The following MED16 variants were observed in gnomAD, a reference collection of about 807,000 sequenced individuals.
The protein encoded by MED16 is mediator complex subunit 16.
MED16 carries 81 observed loss-of-function variants against 84.4 expected under a neutral mutation model. The observed-to-expected ratio is 0.96, with a 90% CI of 0.80 to 1.15. The LOEUF is 1.15. Among genes scored for constraint, MED16 ranks in the 50% most tolerant of loss-of-function variants. The pLI is 0.00. For missense variants in MED16, 1,585 were observed against 1,245.9 expected (o/e 1.27, Z -4.10); for synonymous variants, 897 against 552.2 (o/e 1.62, Z -8.76).
At chr19:885,103 T>A in intron 5 of MED16, 95 bp from the exon 6 acceptor site, 1 of 906,906 alleles carries the variant, frequency 1.1e-6, no homozygotes, top group Non-Finnish European at 1.7e-6. Flanking sequence ...GGCCACGCAC[T>A]GCTGGGCCTG....
intron 8 of MED16, among the ~76,000 whole-genome samples, chr19:878,681 G>A (rs1435962156): frequency 1.1e-4 from 8 of 72,618 alleles, no homozygotes; most frequent in African/African-American, 1.1e-4. Context: ...ATGCCCAACA[G>A]CCCCAACCCC....
chr19:876,327 G>A (rs190583475), intron 9 of MED16, among the ~76,000 whole-genome samples: 105 of 152,164 alleles, frequency 6.9e-4, no homozygotes, highest in African/African-American at 2.3e-3. Context: ...GTGGGCCTCC[G>A]TATCCGCTCC....
At chr19:870,348 G>A (rs964970825) in intron 13 of MED16, among the ~76,000 whole-genome samples, 3 of 152,124 alleles carry the variant, frequency 2.0e-5, no homozygotes, top group Non-Finnish European at 4.4e-5. Flanking sequence ...ATCACCTGAG[G>A]TCAGGAGTTC....
At chr19:869,827 G>C (rs764827437) in intron 13 of MED16, among the ~76,000 whole-genome samples, 1 of 152,206 alleles carries the variant, frequency 6.6e-6, no homozygotes, top group Non-Finnish European at 1.5e-5. Context: ...CTTGTCAAAC[G>C]TGTGTCTGAA....
At position 891,903 on chromosome 19, in the gene MED16, C is replaced by T. The variant is rs1200189221; in HGVS notation, c.-18-754G>A. Among the ~76,000 whole-genome samples the T allele has an allele frequency of 1.5e-4, 20 of 133,858 alleles. 1 individual carries two copies. Among genetic ancestry groups the T allele is most frequent in the African/African-American group, 5.6e-4 (19 of 34,080 alleles). 87.8% of individuals were successfully genotyped at this position (133,858 alleles called of 152,430 possible). A position where few individuals can be genotyped will look rare whatever the true frequency, so the allele number is the denominator to read the frequency against. ...CGGGGGCTGAGTGTGACGGGGAACA[C>T]CTGTGGCCGAGGCGGGGCTGAGTGT... On this transcript the variant is annotated intron_variant, in intron 1 of 15. Coordinates refer to ENST00000325464, the MANE Select transcript of MED16 (RefSeq NM_005481.3).
At chr19:892,221 C>A in intron 1 of MED16, 1 of 165,740 alleles carries the variant, frequency 6.0e-6, no homozygotes. Flanking sequence ...CCCCGGCTCC[C>A]TACTTCTTCA....
At chr19:881,028 G>C (rs570334995) in intron 7 of MED16, among the ~76,000 whole-genome samples, 2 of 152,290 alleles carry the variant, frequency 1.3e-5, no homozygotes, top group South Asian at 2.1e-4. Flanking sequence ...AGGCTCTGAG[G>C]AACAGCCCTG....
Position 868,115 on chromosome 19 carries a change from C to T in MED16, c.2620G>A (p.Glu874Lys), listed in dbSNP as rs13090. The T allele has an allele frequency of 0.27, 438,381 of 1,609,072 alleles. 63,212 individuals carry two copies. The highest frequency in any genetic ancestry group is 0.41 in the African/African-American group (30,371 of 74,776). ...TPRSLDHLHP[E>K]DRP ...ACCCCCGGCCGTCACGGACGGTCCT[C>T]TGGATGCAGATGGTCCAGGGATCTG... The change falls in exon 16 of 16, where the codon GAG (glutamate) becomes AAG (lysine). Residue 874 changes from glutamate (E) to lysine (K), a missense_variant. Coordinates refer to ENST00000325464, the MANE Select transcript of MED16 (RefSeq NM_005481.3).
At position 891,012 on chromosome 19, in the gene MED16, G is replaced by C; in HGVS notation, c.120C>G (p.Ser40=). The part of the protein sequence containing the change: ...CPSVPLACAW[S]CRNLIAFTMD... ...TGGTGAAGGCGATGAGATTTCGGCA[G>C]GACCAGGCGCAGGCCAGGGGCACCG... The change falls in exon 2 of 16, where the codon TCC becomes TCG. Residue 40 remains serine (S), a synonymous_variant. Transcript: ENST00000325464. 6.2e-7 allele frequency: 1 copy of C among 1,614,114 alleles called. No homozygotes were observed. Among genetic ancestry groups the C allele is most frequent in the Non-Finnish European group, 8.5e-7 (1 of 1,180,026 alleles).
chr19:879,892 T>G lies in MED16; in HGVS notation c.1353+45A>C, dbSNP rs2036377050. ...GCCCAGCAGCTCGCCTTCCCCTGGTTGTCAATGCCCACCAGCCCCGGCCCC... is the reference window on the plus strand; with the variant it reads ...GCCCAGCAGCTCGCCTTCCCCTGGTGGTCAATGCCCACCAGCCCCGGCCCC... On this transcript the variant is annotated intron_variant, in intron 8 of 15. Coordinates refer to ENST00000325464, the MANE Select transcript of MED16 (RefSeq NM_005481.3). 6.0e-6 allele frequency: 8 copies of G among 1,341,984 alleles called. No homozygotes were observed. In the East Asian group the frequency reaches 2.0e-4, roughly 34 times the overall value. 83.1% of individuals were successfully genotyped at this position (1,341,984 alleles called of 1,614,324 possible). A position where few individuals can be genotyped will look rare whatever the true frequency, so the allele number is the denominator to read the frequency against.
At chr19:890,903 T>C in intron 2 of MED16, 60 bp downstream of exon 2, 2 of 1,559,304 alleles carry the variant, frequency 1.3e-6, no homozygotes, top group Non-Finnish European at 1.7e-6. Flanking sequence ...GCCGGGCACC[T>C]GGGGAACAGG....
At chr19:870,213 G>C (rs7256798) in intron 13 of MED16, among the ~76,000 whole-genome samples, 1 of 152,144 alleles carries the variant, frequency 6.6e-6, no homozygotes, top group African/African-American at 2.4e-5. Flanking sequence ...CAGAGACTAA[G>C]GGCAGAGGCT....
chr19:890,844 A>C (rs2965292), intron 2 of MED16, 119 bp downstream of exon 2: 2 of 1,111,324 alleles, frequency 1.8e-6, no homozygotes, highest in Non-Finnish European at 2.5e-6. Context: ...GAGGAGGGCC[A>C]GGGTGAGTGA....
At chr19:888,898 C>T (rs1045484922) in intron 4 of MED16, among the ~76,000 whole-genome samples, 18 of 152,164 alleles carry the variant, frequency 1.2e-4, no homozygotes, top group Admixed American at 5.9e-4. Context: ...CACAAGCAGA[C>T]GCACAGAGGC....
Position 880,059 on chromosome 19 carries a change from G to C in MED16, c.1231C>G (p.Pro411Ala). 4 of 1,611,254 alleles carry C rather than the reference G, an allele frequency of 2.5e-6. No homozygotes were observed. Among genetic ancestry groups the C allele is most frequent in the Non-Finnish European group, 3.4e-6 (4 of 1,179,400 alleles). ...TMAVFYSSAAPRPVDEPAMKR... is the reference protein window; with the variant it reads ...TMAVFYSSAAARPVDEPAMKR... ...ATGGCCGGCTCATCCACAGGCCTCG[G>C]GGCCGCGGAGCTGTAGAAGACGGCC... Residue 411 changes from proline to alanine, a missense_variant, in exon 8 of 16, where the codon CCG (proline) becomes GCG (alanine). By Grantham distance (27) the Pro-to-Ala change is conservative. Transcript: ENST00000325464.
At chr19:885,701 C>G (rs1360321470) in intron 5 of MED16, 69 bp downstream of exon 5, 8 of 1,554,350 alleles carry the variant, frequency 5.1e-6, no homozygotes, top group Middle Eastern at 3.5e-4. Flanking sequence ...GGTCTCCACC[C>G]CCAGGACCCT....
At chr19:887,532 G>A (rs2036550980) in intron 4 of MED16, among the ~76,000 whole-genome samples, 2 of 151,920 alleles carry the variant, frequency 1.3e-5, no homozygotes, top group Non-Finnish European at 1.5e-5. Flanking sequence ...CGGGCGCGGT[G>A]GTGCGTGCCT....
chr19:887,292 C>T (rs2036545904), intron 4 of MED16, among the ~76,000 whole-genome samples: 1 of 152,202 alleles, frequency 6.6e-6, no homozygotes, highest in Non-Finnish European at 1.5e-5. Context: ...GGTGTCCACA[C>T]CACACGTCTG....
chr19:886,486 G>C (rs774908037), intron 4 of MED16, among the ~76,000 whole-genome samples: 6 of 152,250 alleles, frequency 3.9e-5, no homozygotes, highest in Non-Finnish European at 7.3e-5. Context: ...TTTCTGTAAA[G>C]GGACAGACAG....
Sources: gnomAD v4.1 joint callset for allele counts (sites outside exome capture counted in the v4.1 genomes callset) on GRCh38, gnomAD v4.1.1 for gene constraint, MANE v1.5 for transcripts, NCBI Gene and HGNC (gene_info 2026-07-23, HGNC 2026-07-21) for gene names.